Variants in DYNC1I2 observed in about 807,000 individuals in gnomAD.
DYNC1I2 encodes the protein dynein cytoplasmic 1 intermediate chain 2.
Under a neutral mutation model 88.6 loss-of-function variants are expected in DYNC1I2, and 53 were observed. The ratio of observed to expected loss-of-function variants is 0.60; its 90% CI spans 0.48 to 0.75. The LOEUF (loss-of-function observed/expected upper bound fraction) is 0.75, where lower values mean the gene tolerates loss of function less well. Ranked by LOEUF, DYNC1I2 falls within the 30% of genes least tolerant of loss-of-function variation. The pLI is 0.00. For missense variants in DYNC1I2, 458 were observed against 766.6 expected (o/e 0.60, Z 4.75); for synonymous variants, 198 against 254.6 (o/e 0.78, Z 2.12).
chr2:171,701,875 T>C (rs1686289366), intron 3 of DYNC1I2, among the ~76,000 whole-genome samples: 1 of 152,208 alleles, frequency 6.6e-6, no homozygotes, highest in Non-Finnish European at 1.5e-5. Context: ...TATCTTCCTC[T>C]TGATTAAATA....
At chr2:171,717,660 T>A (rs908816898) in intron 7 of DYNC1I2, among the ~76,000 whole-genome samples, 2 of 152,166 alleles carry the variant, frequency 1.3e-5, no homozygotes, top group Admixed American at 1.3e-4. Flanking sequence ...AAATATTATT[T>A]TGTTAACTAG....
At chr2:171,729,283 C>T (rs1005955404) in intron 14 of DYNC1I2, among the ~76,000 whole-genome samples, 6 of 152,020 alleles carry the variant, frequency 3.9e-5, no homozygotes, top group African/African-American at 1.2e-4. Context: ...TTTCTCCTTC[C>T]GTTCTGTCTG....
At chr2:171,712,610 T>C in intron 5 of DYNC1I2, 157 bp from the exon 6 acceptor site, 1 of 573,894 alleles carries the variant, frequency 1.7e-6, no homozygotes, top group Non-Finnish European at 3.0e-6. Context: ...GGTGGATTTC[T>C]TGTTTTGTTT....
chr2:171,733,459 C>CTTTTTTTTTTTTTTTTTTTTTTTTTTTTT lies in DYNC1I2; in HGVS notation c.1536+3608_1536+3636dup, dbSNP rs61079902. ...TTTTTCTCCACAACCTTGCCAGCAT[C>CTTTTTTTTTTTTTTTTTTTTTTTTTTTTT]TTTTTTTTTTTTTTTTTTTTTTTTT... On this transcript the variant is annotated intron_variant, in intron 15 of 17. Coordinates refer to ENST00000397119, the MANE Select transcript of DYNC1I2 (RefSeq NM_001378.3). Among the ~76,000 whole-genome samples, 43 of 55,806 alleles carry CTTTTTTTTTTTTTTTTTTTTTTTTTTTTT rather than the reference C, an allele frequency of 7.7e-4. 3 individuals are homozygous for CTTTTTTTTTTTTTTTTTTTTTTTTTTTTT. The highest frequency in any genetic ancestry group is 1.0e-3 in the Non-Finnish European group (32 of 31,500). 36.6% of individuals were successfully genotyped at this position (55,806 alleles called of 152,430 possible).
At chr2:171,731,205 G>C (rs969617011) in intron 15 of DYNC1I2, among the ~76,000 whole-genome samples, 10 of 152,096 alleles carry the variant, frequency 6.6e-5, no homozygotes, top group Non-Finnish European at 1.3e-4. Context: ...TATTCTTCTA[G>C]TGAAATTTAT....
At chr2:171,689,183 A>G (rs1685197062) in intron 1 of DYNC1I2, among the ~76,000 whole-genome samples, 1 of 152,202 alleles carries the variant, frequency 6.6e-6, no homozygotes, top group African/African-American at 2.4e-5. Context: ...CAACAAAAAT[A>G]ACTAAAAAAC....
At position 171,690,272 on chromosome 2, in the gene DYNC1I2, G is replaced by A; in HGVS notation, c.108+9G>A. The stretch of plus-strand genomic sequence containing the variant: ...AAAGGAAAAAAAAAGAAGTATGTTT[G>A]ATTTTTTTGCTTAAATAAACAACAT... On this transcript the variant is annotated intron_variant, in intron 2 of 17. Transcript: ENST00000397119. 6.5e-7 allele frequency: 1 copy of A among 1,528,340 alleles called. No individual in the cohort carries two copies. Among genetic ancestry groups the A allele is most frequent in the Non-Finnish European group, 8.8e-7 (1 of 1,133,238 alleles). The allele number at this position is 1,528,340 out of a possible 1,614,324, so 94.7% of individuals were successfully genotyped here. A position where few individuals can be genotyped will look rare whatever the true frequency, so the allele number is the denominator to read the frequency against.
At chr2:171,695,629 T>G (rs1318727509) in intron 3 of DYNC1I2, among the ~76,000 whole-genome samples, 1 of 152,236 alleles carries the variant, frequency 6.6e-6, no homozygotes, top group Non-Finnish European at 1.5e-5. Flanking sequence ...AGTTTCCTTT[T>G]GTCTCTTTGC....
chr2:171,745,587 A>T (rs1345071258), intron 16 of DYNC1I2, among the ~76,000 whole-genome samples: 5 of 152,238 alleles, frequency 3.3e-5, no homozygotes, highest in Non-Finnish European at 7.3e-5. Flanking sequence ...AGAATTTTTT[A>T]TACAAAGACT....
chr2:171,726,438 C>T, intron 10 of DYNC1I2, 145 bp downstream of exon 10: 1 of 629,724 alleles, frequency 1.6e-6, no homozygotes, highest in Non-Finnish European at 2.6e-6. Context: ...TGTTAACATA[C>T]TCATCTTATG....
At chr2:171,732,542 T>G (rs2105723962) in intron 15 of DYNC1I2, among the ~76,000 whole-genome samples, 1 of 152,354 alleles carries the variant, frequency 6.6e-6, no homozygotes, top group East Asian at 1.9e-4. Context: ...TTTTGTTTTA[T>G]GTTGTTTTGC....
At position 171,749,745 on chromosome 2, in the gene DYNC1I2, G is replaced by A. The variant is rs1336747498; in HGVS notation, c.*1856G>A. ...TCTCCCCTACTCCCCCAGAAAATGC[G>A]ATGTATACCTTTGCCCATTCAACTT... On this transcript the variant is annotated 3_prime_UTR_variant, in exon 18 of 18. Coordinates refer to ENST00000397119, the MANE Select transcript of DYNC1I2 (RefSeq NM_001378.3). Among the ~76,000 whole-genome samples the A allele has an allele frequency of 1.3e-5, 2 of 152,060 alleles. No individual in the cohort carries two copies. The highest frequency in any genetic ancestry group is 2.9e-5 in the Non-Finnish European group (2 of 67,968).
At chr2:171,719,657 T>TA (rs1317477983) in intron 7 of DYNC1I2, among the ~76,000 whole-genome samples, 12 of 152,236 alleles carry the variant, frequency 7.9e-5, no homozygotes, top group African/African-American at 2.9e-4. Flanking sequence ...ACTTAACTCT[T>TA]ACCTTTCTTT....
At chr2:171,700,058 A>G (rs6720758) in intron 3 of DYNC1I2, among the ~76,000 whole-genome samples, 2,499 of 152,186 alleles carry the variant, frequency 0.016, 56 homozygotes, top group African/African-American at 0.053. Flanking sequence ...TTCTGGCTCA[A>G]CTTCTCTCAT....
chr2:171,715,452 C>G lies in DYNC1I2; in HGVS notation c.511+9C>G. The G allele has an allele frequency of 1.3e-6, 2 of 1,504,162 alleles. No individual in the cohort carries two copies. Among genetic ancestry groups the G allele is most frequent in the Non-Finnish European group, 1.8e-6 (2 of 1,100,934 alleles). The allele number at this position is 1,504,162 out of a possible 1,614,324, so 93.2% of individuals were successfully genotyped here. Reference sequence around the variant, plus strand: ...GGCTCAACCCAAAGAAGGTGAATATCTATCCTTAGTATAATTGTCATTGAG... The same window carrying G: ...GGCTCAACCCAAAGAAGGTGAATATGTATCCTTAGTATAATTGTCATTGAG... On this transcript the variant is annotated intron_variant, in intron 7 of 17. Transcript: ENST00000397119.
chr2:171,742,417 C>T (rs1197248592), intron 15 of DYNC1I2, among the ~76,000 whole-genome samples: 1 of 152,140 alleles, frequency 6.6e-6, no homozygotes, highest in Non-Finnish European at 1.5e-5. Context: ...TGTGATCCAC[C>T]CACCTTGGCT....
chr2:171,733,679 C>T (rs1041073858), intron 15 of DYNC1I2, among the ~76,000 whole-genome samples: 8 of 151,234 alleles, frequency 5.3e-5, no homozygotes, highest in African/African-American at 1.5e-4. Flanking sequence ...ATTAGATCTT[C>T]GTCAGATTCA....
chr2:171,716,604 A>T (rs1011016691), intron 7 of DYNC1I2, among the ~76,000 whole-genome samples: 1 of 152,068 alleles, frequency 6.6e-6, no homozygotes, highest in African/African-American at 2.4e-5. Flanking sequence ...ATTTGCCTAA[A>T]CCTAAAAAAA....
At chr2:171,693,938 T>C (rs1394014689) in intron 3 of DYNC1I2, among the ~76,000 whole-genome samples, 1 of 152,184 alleles carries the variant, frequency 6.6e-6, no homozygotes, top group African/African-American at 2.4e-5. Flanking sequence ...TTACCTTTTT[T>C]TTCTGTGCTT....
Sources: gnomAD v4.1 joint callset for allele counts (sites outside exome capture counted in the v4.1 genomes callset) on GRCh38, gnomAD v4.1.1 for gene constraint, MANE v1.5 for transcripts, NCBI Gene and HGNC (gene_info 2026-07-23, HGNC 2026-07-21) for gene names.